The following AUTS2 variants were observed in gnomAD, a reference collection of about 807,000 sequenced individuals.
The protein encoded by AUTS2 is autism susceptibility gene 2 protein.
In AUTS2, 17 loss-of-function variants were observed where a neutral mutation model predicts 112.4. The ratio of observed to expected loss-of-function variants is 0.15; its 90% CI spans 0.10 to 0.23. AUTS2 has a LOEUF of 0.23. AUTS2 is among the 10% of genes least tolerant of loss of function. The pLI is 1.00. For missense variants in AUTS2, 1,510 were observed against 1,701.6 expected (o/e 0.89, Z 1.98); for synonymous variants, 751 against 702.7 (o/e 1.07, Z -1.09).
At chr7:69,862,134 A>T (rs1432616054) in intron 1 of AUTS2, among the ~76,000 whole-genome samples, 4 of 152,132 alleles carry the variant, frequency 2.6e-5, no homozygotes. Context: ...TTACCTCCTG[A>T]TGTCTGTTCA....
At chr7:70,691,234 A>G (rs977810736) in intron 5 of AUTS2, among the ~76,000 whole-genome samples, 13 of 152,186 alleles carry the variant, frequency 8.5e-5, no homozygotes, top group Non-Finnish European at 1.6e-4. Flanking sequence ...GCTTTCTATT[A>G]GAAAGGGTTG....
chr7:70,626,237 T>C (rs1263843245), intron 5 of AUTS2, among the ~76,000 whole-genome samples: 1 of 119,336 alleles, frequency 8.4e-6, no homozygotes, highest in East Asian at 2.2e-4. Flanking sequence ...AAAGAACTGA[T>C]AGATGTCCAG....
chr7:70,369,304 T>A (rs1792730619), intron 4 of AUTS2, among the ~76,000 whole-genome samples: 1 of 152,178 alleles, frequency 6.6e-6, no homozygotes, highest in Admixed American at 6.5e-5. Context: ...GAGAGAAGTT[T>A]AGGACTTTAT....
In AUTS2 at chr7:70,768,012, A is replaced by C. The variant is rs775477381; in HGVS notation, c.1690-12A>C. The C allele has an allele frequency of 1.3e-5, 21 of 1,610,176 alleles. No homozygotes were observed. The South Asian group carries it at 2.3e-4, about 18-fold the overall frequency. On this transcript the variant is annotated splice_polypyrimidine_tract_variant and intron_variant, in intron 9 of 18. Transcript: ENST00000342771. ...GATTAAGTAACTAGCTTTTGCTTTG[A>C]TCCCTTTACAGTTTGACAAATACCC...
chr7:70,554,620 C>T (rs538584368), intron 5 of AUTS2, among the ~76,000 whole-genome samples: 5 of 152,218 alleles, frequency 3.3e-5, no homozygotes, highest in Non-Finnish European at 7.4e-5. Context: ...TCTGGCCTCT[C>T]GGGAGATTTC....
chr7:70,368,770 A>G (rs1414318402), intron 4 of AUTS2, among the ~76,000 whole-genome samples: 1 of 152,196 alleles, frequency 6.6e-6, no homozygotes, highest in African/African-American at 2.4e-5. Flanking sequence ...GACCAGAACA[A>G]TGAGTAGAGC....
intron 4 of AUTS2, among the ~76,000 whole-genome samples, chr7:70,362,107 G>A (rs978402877): frequency 3.3e-5 from 5 of 152,100 alleles, no homozygotes; most frequent in Non-Finnish European, 7.4e-5. Flanking sequence ...TGCAGAACTC[G>A]GGACTTCATT....
intron 2 of AUTS2, among the ~76,000 whole-genome samples, chr7:69,904,609 A>C (rs558980965): frequency 3.1e-4 from 47 of 152,338 alleles, no homozygotes; most frequent in African/African-American, 9.9e-4. Context: ...TGGTACCTTG[A>C]ACTAGTATTA....
chr7:70,328,245 TGAG>T (rs1790581396), intron 4 of AUTS2, among the ~76,000 whole-genome samples: 1 of 152,164 alleles, frequency 6.6e-6, no homozygotes, highest in African/African-American at 2.4e-5. Flanking sequence ...GTTTTGAGAC[TGAG>T]TCTAGGTTTG....
At chr7:69,639,976 G>A (rs1163654622) in intron 1 of AUTS2, among the ~76,000 whole-genome samples, 1 of 152,154 alleles carries the variant, frequency 6.6e-6, no homozygotes, top group Non-Finnish European at 1.5e-5. Flanking sequence ...TAGATTCACT[G>A]TATGATCTTG....
intron 4 of AUTS2, among the ~76,000 whole-genome samples, chr7:70,335,646 T>C (rs941665070): frequency 9.9e-5 from 15 of 152,144 alleles, no homozygotes; most frequent in African/African-American, 3.6e-4. Context: ...TGGCAGGAGG[T>C]GACAGTGAGG....
chr7:70,045,784 C>CT (rs746154629), intron 2 of AUTS2, among the ~76,000 whole-genome samples: 4,896 of 126,802 alleles, frequency 0.039, 208 homozygotes, highest in African/African-American at 0.082. Context: ...AATTTTCTAC[C>CT]TTTTTTTTTT....
At chr7:70,731,418 A>ATTTTT (rs1787378557) in intron 6 of AUTS2, among the ~76,000 whole-genome samples, 1 of 89,802 alleles carries the variant, frequency 1.1e-5, no homozygotes, top group Non-Finnish European at 2.2e-5. Flanking sequence ...CTTTACCCAG[A>ATTTTT]TCTTTTTTTT....
chr7:70,260,140 C>T (rs996916884), intron 4 of AUTS2, among the ~76,000 whole-genome samples: 10 of 151,918 alleles, frequency 6.6e-5, no homozygotes, highest in African/African-American at 9.7e-5. Flanking sequence ...CTGCAGCAGG[C>T]GGATCATGAG....
chr7:70,360,377 C>A (rs1217265121), intron 4 of AUTS2, among the ~76,000 whole-genome samples: 1 of 152,190 alleles, frequency 6.6e-6, no homozygotes, highest in Non-Finnish European at 1.5e-5. Context: ...AAACTCCTGG[C>A]CTCAAGTGAT....
In AUTS2 at chr7:69,658,354, T is replaced by C. The variant is rs143137007; in HGVS notation, c.309+58392T>C. 1.8e-3 allele frequency among the ~76,000 whole-genome samples: 273 copies of C among 152,368 alleles called. 1 individual carries two copies. The highest frequency in any genetic ancestry group is 2.6e-3 in the Non-Finnish European group (180 of 68,042). On this transcript the variant is annotated intron_variant, in intron 1 of 18. Transcript: ENST00000342771. ...AAATCTGAGTTTACAAATAGAGTTA[T>C]TCTGATCCTAAAAGTGTTCAGTGAA...
chr7:70,463,259 C>T (rs1797041914), intron 5 of AUTS2, among the ~76,000 whole-genome samples: 2 of 152,302 alleles, frequency 1.3e-5, no homozygotes, highest in South Asian at 2.1e-4. Context: ...AGCACAGAGA[C>T]GGTCAAATAG....
At position 70,158,583 on chromosome 7, in the gene AUTS2, C is replaced by T. The variant is rs1325447658; in HGVS notation, c.660+24012C>T. Among the ~76,000 whole-genome samples the T allele has an allele frequency of 2.0e-5, 3 of 152,196 alleles. No homozygotes were observed. The East Asian group carries it at 5.8e-4, about 29-fold the overall frequency. On this transcript the variant is annotated intron_variant, in intron 4 of 18. Coordinates refer to ENST00000342771, the MANE Select transcript of AUTS2 (RefSeq NM_015570.4). ...ATATTTGAATCCTAGACCTGCCACT[C>T]GCCTATGAGTTACATTTTGGGTGTA...
intron 4 of AUTS2, among the ~76,000 whole-genome samples, chr7:70,412,570 A>T (rs1794823234): frequency 6.6e-6 from 1 of 152,226 alleles, no homozygotes; most frequent in Non-Finnish European, 1.5e-5. Context: ...AGAGCCTCTG[A>T]CAGCTTTTTC....
Sources: allele counts gnomAD v4.1 joint callset (sites outside exome capture counted in the v4.1 genomes callset), GRCh38; gene constraint gnomAD v4.1.1; transcripts MANE v1.5; gene names NCBI Gene and HGNC (gene_info 2026-07-23, HGNC 2026-07-21).